TCERG1L: variants seen among roughly 807,000 people sequenced by gnomAD.
TCERG1L encodes the protein transcription elongation regulator 1 like, also known as transcription elongation regulator 1-like protein.
TCERG1L carries 37 observed loss-of-function variants against 56.3 expected under a neutral mutation model. The ratio of observed to expected loss-of-function variants is 0.66; its 90% CI spans 0.51 to 0.87. The LOEUF is 0.87. Ranked by LOEUF, TCERG1L falls within the 40% of genes least tolerant of loss-of-function variation. The pLI is 0.00. For missense variants in TCERG1L, 799 were observed against 774.2 expected (o/e 1.03, Z -0.38); for synonymous variants, 324 against 326.3 (o/e 0.99, Z 0.08).
intron 3 of TCERG1L, among the ~76,000 whole-genome samples, chr10:131,303,450 T>C (rs551718484): frequency 6.6e-6 from 1 of 152,266 alleles, no homozygotes; most frequent in South Asian, 2.1e-4. Flanking sequence ...GTTCATATCC[T>C]TCACCCACTT....
intron 4 of TCERG1L, among the ~76,000 whole-genome samples, chr10:131,235,249 T>A (rs973852281): frequency 4.6e-5 from 7 of 152,248 alleles, no homozygotes; most frequent in Non-Finnish European, 7.3e-5. Context: ...GCAATTTCAA[T>A]GATGATGGCA....
Position 131,308,248 on chromosome 10 carries a change from C to T in TCERG1L, c.633G>A (p.Pro211=), listed in dbSNP as rs144369307. 988 of 1,613,718 alleles carry T rather than the reference C, an allele frequency of 6.1e-4. 6 individuals are homozygous for T. The African/African-American group carries it at 0.011, about 18-fold the overall frequency. Residue 211 remains proline, a synonymous_variant, in exon 3 of 12, where the codon CCG becomes CCA. Transcript: ENST00000368642. ...SLSRPAPASR[P]LPTVVLAPQP... ...GAGGTGCTAACACCACCGTGGGGAGCGGCCTGGAGGCAGGAGCCGGCCTGG... is the reference window on the plus strand; with the variant it reads ...GAGGTGCTAACACCACCGTGGGGAGTGGCCTGGAGGCAGGAGCCGGCCTGG...
intron 4 of TCERG1L, among the ~76,000 whole-genome samples, chr10:131,176,363 C>T (rs1443948438): frequency 6.8e-6 from 1 of 147,882 alleles, no homozygotes; most frequent in East Asian, 2.1e-4. Context: ...TACAAAGAGG[C>T]ACATGCACAC....
chr10:131,103,370 C>T lies in TCERG1L; in HGVS notation c.1485+895G>A, dbSNP rs551128821. Among the ~76,000 whole-genome samples the T allele has an allele frequency of 4.7e-4, 71 of 152,302 alleles. No homozygotes were observed. Among genetic ancestry groups the T allele is most frequent in the Non-Finnish European group, 7.8e-4 (53 of 68,036 alleles). On this transcript the variant is annotated intron_variant, in intron 10 of 11. Transcript: ENST00000368642. The surrounding 1 kb of genome is among the most constrained non-coding windows in gnomAD (Gnocchi z 4.3). ...GGACAGGCAGTTGTTGGGCAGGTGT[C>T]CTTGCAGAAGTGCTTTTTGTGTGTA...
chr10:131,298,662 G>C (rs968068744), intron 3 of TCERG1L, among the ~76,000 whole-genome samples: 2 of 152,144 alleles, frequency 1.3e-5, no homozygotes, highest in Non-Finnish European at 2.9e-5. Context: ...GATCTGCCCA[G>C]CTCGGCCTCC....
intron 3 of TCERG1L, among the ~76,000 whole-genome samples, chr10:131,265,229 CA>C (rs926330899): frequency 6.6e-6 from 1 of 151,976 alleles, no homozygotes; most frequent in African/African-American, 2.4e-5. Context: ...GATTTTGTTG[CA>C]AAAAATCATG....
chr10:131,160,483 A>C (rs2133428558), intron 6 of TCERG1L, among the ~76,000 whole-genome samples: 2 of 150,856 alleles, frequency 1.3e-5, no homozygotes, highest in African/African-American at 2.4e-5. Flanking sequence ...AGCCACCCTT[A>C]CCTCCCATGC....
intron 3 of TCERG1L, among the ~76,000 whole-genome samples, chr10:131,265,256 AAAAT>A (rs1360056963): frequency 2.0e-5 from 3 of 152,258 alleles, no homozygotes; most frequent in African/African-American, 7.2e-5. Flanking sequence ...ACTAAACAGA[AAAAT>A]AAATAAGGAA....
At chr10:131,219,464 C>A (rs12269601) in intron 4 of TCERG1L, among the ~76,000 whole-genome samples, 2,018 of 152,304 alleles carry the variant, frequency 0.013, 40 homozygotes, top group African/African-American at 0.045. Flanking sequence ...TGTGGGTGGA[C>A]CCTTAGCTTA....
intron 4 of TCERG1L, among the ~76,000 whole-genome samples, chr10:131,213,537 G>A (rs1845638389): frequency 6.6e-6 from 1 of 152,338 alleles, no homozygotes; most frequent in Non-Finnish European, 1.5e-5. Flanking sequence ...TTCCAGCTCA[G>A]CTGGGCCACT....
chr10:131,281,996 C>T (rs941362474), intron 3 of TCERG1L, among the ~76,000 whole-genome samples: 8 of 151,966 alleles, frequency 5.3e-5, no homozygotes. Context: ...ATTAGCCAGG[C>T]GCGGTGGCGG....
chr10:131,127,678 C>A lies in TCERG1L; in HGVS notation c.1259+6701G>T, dbSNP rs144521022. ...GGACAGGTCCCTAAAACACAGCCCC[C>A]CGTCACAATCACAGACTCTAGGAGG... On this transcript the variant is annotated intron_variant, in intron 8 of 11. Coordinates refer to ENST00000368642, the MANE Select transcript of TCERG1L (RefSeq NM_174937.4). Among the ~76,000 whole-genome samples the A allele has an allele frequency of 6.6e-4, 101 of 152,260 alleles. 1 individual carries two copies. In the East Asian group the frequency reaches 0.019, roughly 29 times the overall value.
chr10:131,135,021 G>T (rs1043604283), intron 7 of TCERG1L, among the ~76,000 whole-genome samples: 1 of 152,238 alleles, frequency 6.6e-6, no homozygotes. Context: ...TTCTGAGGCA[G>T]TCAGCCCTGA....
chr10:131,151,100 G>T (rs1208880191), intron 6 of TCERG1L, among the ~76,000 whole-genome samples: 1 of 152,186 alleles, frequency 6.6e-6, no homozygotes, highest in African/African-American at 2.4e-5. Flanking sequence ...TTTGGGTGGG[G>T]ACACAAAGCC....
Position 131,311,123 on chromosome 10 carries a change from C to T in TCERG1L, c.342+171G>A, listed in dbSNP as rs937541002. 7.2e-5 allele frequency among the ~76,000 whole-genome samples: 11 copies of T among 152,152 alleles called. No homozygotes were observed. The highest frequency in any genetic ancestry group is 6.2e-4 in the South Asian group (3 of 4,834). ...AGGTGGACGACCGGGCGTCCAAGCA[C>T]GAACTTTCTCGCCGAGGCACGGCTG... On this transcript the variant is annotated intron_variant, in intron 1 of 11. Transcript: ENST00000368642. This position sits in a 1 kb window ranked among gnomAD's most constrained non-coding sequence, Gnocchi z 4.0.
At chr10:131,243,125 C>G (rs1425917480) in intron 4 of TCERG1L, among the ~76,000 whole-genome samples, 1 of 152,078 alleles carries the variant, frequency 6.6e-6, no homozygotes, top group Non-Finnish European at 1.5e-5. Context: ...TGGGGCTGTG[C>G]AAGATTTTGG....
rs1277867553 is a variant in TCERG1L at position 131,229,189 on chromosome 10, C to T, written c.856+31070G>A. ...CTCACGAGTCTCCCCTCCAGACAGG[C>T]ATTTCCTCAAGGACTCCGGAGTCTC... is the stretch of plus-strand genomic sequence containing the variant. On this transcript the variant is annotated intron_variant, in intron 4 of 11. Transcript: ENST00000368642. 2.0e-5 allele frequency among the ~76,000 whole-genome samples: 3 copies of T among 152,222 alleles called. No individual in the cohort carries two copies. The East Asian group carries it at 5.8e-4, about 29-fold the overall frequency.
In TCERG1L at chr10:131,260,150, G is replaced by A. The variant is rs1846219852; in HGVS notation, c.856+109C>T. ...CCGAATGTTTCCCTCAACCGGAGCC[G>A]GGCTTCAGGTCCCACAGCGCCTGGG... On this transcript the variant is annotated intron_variant, in intron 4 of 11. Transcript: ENST00000368642. This position sits in a 1 kb window ranked among gnomAD's most constrained non-coding sequence, Gnocchi z 5.8. 9.7e-6 allele frequency: 12 copies of A among 1,236,848 alleles called. No homozygotes were observed. Among genetic ancestry groups the A allele is most frequent in the Middle Eastern group, 3.1e-4 (1 of 3,254 alleles). 76.6% of individuals were successfully genotyped at this position (1,236,848 alleles called of 1,614,324 possible).
At chr10:131,172,614 G>A (rs891814430) in intron 4 of TCERG1L, among the ~76,000 whole-genome samples, 1 of 152,254 alleles carries the variant, frequency 6.6e-6, no homozygotes, top group Non-Finnish European at 1.5e-5. Flanking sequence ...GGCTCCGCTC[G>A]CAGCTGGGAG....
Sources: allele counts gnomAD v4.1 joint callset (sites outside exome capture counted in the v4.1 genomes callset), GRCh38; gene constraint gnomAD v4.1.1; non-coding constraint Gnocchi (gnomAD v3.1); transcripts MANE v1.5; gene names NCBI Gene and HGNC (gene_info 2026-07-23, HGNC 2026-07-21).